The following NFASC variants were observed in gnomAD, a reference collection of about 807,000 sequenced individuals.
NFASC encodes neurofascin, also known as neurofascin homolog.
In NFASC, 43 loss-of-function variants were observed where a neutral mutation model predicts 147.5. That is an observed-to-expected ratio of 0.29 (90% CI 0.23 to 0.38). The LOEUF is 0.38. Among genes scored for constraint, NFASC ranks in the 10% least tolerant of loss-of-function variants. The probability of loss-of-function intolerance (pLI) is 1.00; values close to 1 mark genes in which losing one functional copy is unlikely to be tolerated. For synonymous variants in NFASC, 622 were observed against 665.5 expected, an observed-to-expected ratio of 0.93 and a Z score of 1.01; for missense variants, 1,320 against 1,689.0, an observed-to-expected ratio of 0.78 and a Z score of 3.83.
rs1324103639 is a variant in NFASC at position 205,017,377 on chromosome 1, T to C, written c.*838T>C. 6.5e-6 allele frequency: 1 copy of C among 152,924 alleles called. No individual in the cohort carries two copies. The highest frequency in any genetic ancestry group is 1.9e-4 in the East Asian group (1 of 5,208). The allele number at this position is 152,924 out of a possible 1,614,324, so 9.5% of individuals were successfully genotyped here. ...TTTGAGGAACAGGAGTGGGCACTGATAGAAAGGACTTCAACGCCAGTGACT... is the reference window on the plus strand; with the variant it reads ...TTTGAGGAACAGGAGTGGGCACTGACAGAAAGGACTTCAACGCCAGTGACT... On this transcript the variant is annotated 3_prime_UTR_variant, in exon 30 of 30. Coordinates refer to ENST00000339876, the MANE Select transcript of NFASC (RefSeq NM_001005388.3).
chr1:204,851,731 C>A (rs767128889), intron 1 of NFASC, among the ~76,000 whole-genome samples: 1 of 152,154 alleles, frequency 6.6e-6, no homozygotes, highest in Admixed American at 6.5e-5. Context: ...ATGCATATAA[C>A]AATCAACATT....
At chr1:204,859,261 C>T (rs750670008) in intron 1 of NFASC, among the ~76,000 whole-genome samples, 1 of 152,218 alleles carries the variant, frequency 6.6e-6, no homozygotes, top group Non-Finnish European at 1.5e-5. Context: ...CCATGCTCTG[C>T]TCACTGTGCC....
At position 204,878,996 on chromosome 1, in the gene NFASC, G is replaced by T. The variant is rs185590518; in HGVS notation, c.-199-41636G>T. 7.3e-4 allele frequency among the ~76,000 whole-genome samples: 111 copies of T among 152,252 alleles called. 1 individual carries two copies. The highest frequency in any genetic ancestry group is 4.2e-3 in the South Asian group (20 of 4,816). On this transcript the variant is annotated intron_variant, in intron 1 of 29. Transcript: ENST00000339876. ...TTCCTACAGTTTGATTTTTATTGGAGATTCTTCTGAGTGGAAAAAAAGAAG... is the reference window on the plus strand; with the variant it reads ...TTCCTACAGTTTGATTTTTATTGGATATTCTTCTGAGTGGAAAAAAAGAAG...
chr1:204,867,078 G>C (rs373568015), intron 1 of NFASC, among the ~76,000 whole-genome samples: 5 of 151,506 alleles, frequency 3.3e-5, no homozygotes, highest in East Asian at 3.9e-4. Context: ...GACATTTGGA[G>C]AAAAACAGGT....
intron 7 of NFASC, among the ~76,000 whole-genome samples, chr1:204,956,703 G>A (rs2094448894): frequency 1.3e-5 from 2 of 152,208 alleles, no homozygotes; most frequent in South Asian, 2.1e-4. Context: ...TAGGCCTACA[G>A]TAAATCAGGA....
At chr1:204,863,860 AAAAG>A (rs1452084125) in intron 1 of NFASC, among the ~76,000 whole-genome samples, 19 of 151,454 alleles carry the variant, frequency 1.3e-4, no homozygotes, top group Non-Finnish European at 1.3e-4. Context: ...AAAAAAAAAA[AAAAG>A]AAAGAAGGAA....
At chr1:204,990,578 A>T (rs1255558368) in intron 23 of NFASC, 1 of 151,114 alleles carries the variant, frequency 6.6e-6, no homozygotes, top group African/African-American at 2.4e-5. Context: ...AAAAAAAAAA[A>T]AGAAAAAGAA....
At chr1:204,960,895 A>G (rs1195892646) in intron 8 of NFASC, among the ~76,000 whole-genome samples, 1 of 152,218 alleles carries the variant, frequency 6.6e-6, no homozygotes, top group Non-Finnish European at 1.5e-5. Flanking sequence ...CCAGGTGGCA[A>G]GCAGATTTGG....
chr1:204,899,596 C>A (rs2084109932), intron 1 of NFASC, among the ~76,000 whole-genome samples: 1 of 152,218 alleles, frequency 6.6e-6, no homozygotes, highest in Non-Finnish European at 1.5e-5. Flanking sequence ...TTCTGTCTCC[C>A]TGCCCTTCCT....
intron 21 of NFASC, among the ~76,000 whole-genome samples, chr1:204,983,591 G>T (rs2095549406): frequency 6.6e-6 from 1 of 152,128 alleles, no homozygotes; most frequent in Admixed American, 6.5e-5. Flanking sequence ...CAGGGGAATT[G>T]ATACCCACCC....
chr1:204,861,196 C>T (rs779352055), intron 1 of NFASC, among the ~76,000 whole-genome samples: 1 of 148,992 alleles, frequency 6.7e-6, no homozygotes, highest in Admixed American at 6.8e-5. Context: ...ACAAGCAATC[C>T]TCCCACCTCA....
chr1:204,898,599 C>T (rs529752919), intron 1 of NFASC, among the ~76,000 whole-genome samples: 1 of 152,328 alleles, frequency 6.6e-6, no homozygotes, highest in South Asian at 2.1e-4. Flanking sequence ...TTCTCTAGGG[C>T]TGCTGGGCTG....
chr1:204,934,191 G>A (rs1265535921), intron 2 of NFASC, among the ~76,000 whole-genome samples: 1 of 151,602 alleles, frequency 6.6e-6, no homozygotes, highest in Non-Finnish European at 1.5e-5. Context: ...CTCTGCTGAG[G>A]CAGAGAGCCA....
At chr1:204,866,498 C>T (rs187808385) in intron 1 of NFASC, among the ~76,000 whole-genome samples, 29 of 152,242 alleles carry the variant, frequency 1.9e-4, no homozygotes, top group African/African-American at 7.0e-4. Flanking sequence ...TTTCAGCTAC[C>T]GATCCTGAGT....
chr1:204,927,765 G>C (rs1394290573), intron 2 of NFASC, among the ~76,000 whole-genome samples: 2 of 152,136 alleles, frequency 1.3e-5, no homozygotes, highest in East Asian at 1.9e-4. Flanking sequence ...GACAGCTGCT[G>C]CCTGACACCT....
At chr1:204,935,979 A>C (rs947201173) in intron 2 of NFASC, among the ~76,000 whole-genome samples, 3 of 152,062 alleles carry the variant, frequency 2.0e-5, no homozygotes, top group Non-Finnish European at 4.4e-5. Flanking sequence ...TTCACTCAAC[A>C]GTCTTTTCTT....
chr1:204,938,132 G>T (rs2093033529), intron 2 of NFASC, among the ~76,000 whole-genome samples: 1 of 152,220 alleles, frequency 6.6e-6, no homozygotes. Context: ...ACAGCTCGTG[G>T]GAGCCACGGG....
rs118080276 is a variant in NFASC, at chr1:204,922,649, G to C, written c.-91+1909G>C. On this transcript the variant is annotated intron_variant, in intron 2 of 29. Transcript: ENST00000339876. The stretch of plus-strand genomic sequence containing the variant: ...AAGAGCCCCTCCTAGGCTTGGATGC[G>C]CTGAATTGTAGACTGTTTTTCTCGC... Among the ~76,000 whole-genome samples, 484 of 152,210 alleles carry C rather than the reference G, an allele frequency of 3.2e-3. 11 individuals carry two copies. Among genetic ancestry groups the C allele is most frequent in the East Asian group, 0.013 (65 of 5,176 alleles).
intron 2 of NFASC, among the ~76,000 whole-genome samples, chr1:204,942,746 G>A (rs1056611854): frequency 1.3e-5 from 2 of 152,226 alleles, no homozygotes; most frequent in African/African-American, 4.8e-5. Context: ...GGTGGTGGCA[G>A]TGGGAAAGGA....
Sources: gnomAD v4.1 joint callset for allele counts (sites outside exome capture counted in the v4.1 genomes callset) on GRCh38, gnomAD v4.1.1 for gene constraint, MANE v1.5 for transcripts, NCBI Gene and HGNC (gene_info 2026-07-23, HGNC 2026-07-21) for gene names.